SUPT3H: variants seen among roughly 807,000 people sequenced by gnomAD.
SUPT3H encodes SPT3 homolog, SAGA and STAGA complex component, also known as transcription initiation protein SPT3 homolog.
In SUPT3H, 44 loss-of-function variants were observed where a neutral mutation model predicts 44.3. The observed-to-expected ratio is 0.99, with a 90% confidence interval of 0.78 to 1.28. The LOEUF (loss-of-function observed/expected upper bound fraction) is 1.28. SUPT3H is among the 50% of genes most tolerant of loss of function. SUPT3H has a pLI of 0.00. For missense variants in SUPT3H, 380 were observed against 387.1 expected (o/e 0.98, Z 0.15); for synonymous variants, 124 against 125.6 (o/e 0.99, Z 0.09).
chr6:45,212,530 T>C (rs952123699), intron 2 of SUPT3H, among the ~76,000 whole-genome samples: 18 of 122,906 alleles, frequency 1.5e-4, no homozygotes, highest in Admixed American at 3.2e-4. Context: ...TGTGTGTGTG[T>C]GTGTGTGTGT....
chr6:44,812,097 T>C (rs186887635), intron 11 of SUPT3H, among the ~76,000 whole-genome samples: 112 of 152,368 alleles, frequency 7.4e-4, no homozygotes, highest in African/African-American at 2.6e-3. Flanking sequence ...TAGTTTTCTA[T>C]GATGCCGTAA....
At chr6:45,009,960 T>C (rs769075687) in intron 5 of SUPT3H, among the ~76,000 whole-genome samples, 1 of 142,302 alleles carries the variant, frequency 7.0e-6, no homozygotes, top group Non-Finnish European at 1.5e-5. Flanking sequence ...TAATACTGAA[T>C]GTTCCAATCC....
intron 2 of SUPT3H, among the ~76,000 whole-genome samples, chr6:45,160,820 C>T (rs1218665719): frequency 6.6e-6 from 1 of 152,096 alleles, no homozygotes; most frequent in African/African-American, 2.4e-5. Flanking sequence ...GAATCTCCCC[C>T]TATAAAATCC....
At chr6:45,114,937 A>T (rs937691483) in intron 2 of SUPT3H, among the ~76,000 whole-genome samples, 14 of 152,170 alleles carry the variant, frequency 9.2e-5, no homozygotes, top group Admixed American at 6.5e-5. Context: ...TAGGACTTTT[A>T]CCTCATCCAG....
intron 3 of SUPT3H, among the ~76,000 whole-genome samples, chr6:45,062,450 G>T (rs1047470074): frequency 6.6e-6 from 1 of 151,472 alleles, no homozygotes; most frequent in African/African-American, 2.4e-5. Context: ...CACTGTAGGG[G>T]TGAGGAGCCA....
In SUPT3H at chr6:45,261,062, T is replaced by C. The variant is rs60710939; in HGVS notation, c.101+104139A>G. Among the ~76,000 whole-genome samples, 803 of 152,152 alleles carry C rather than the reference T, an allele frequency of 5.3e-3. 5 individuals carry two copies. The highest frequency in any genetic ancestry group is 0.018 in the African/African-American group (749 of 41,516). On this transcript the variant is annotated intron_variant, in intron 2 of 10. Transcript: ENST00000371459. ...AGAAGTATATTTTAAAATAATTTTT[T>C]TAAAACCCTACCAATCAAAACCAAT...
chr6:45,096,889 T>C (rs72869118), intron 3 of SUPT3H, among the ~76,000 whole-genome samples: 33,199 of 152,006 alleles, frequency 0.22, 4,433 homozygotes, highest in Non-Finnish European at 0.31. Flanking sequence ...ATATTCAATC[T>C]TGATATATAT....
intron 2 of SUPT3H, among the ~76,000 whole-genome samples, chr6:45,284,678 G>A (rs1464332805): frequency 6.6e-6 from 1 of 152,168 alleles, no homozygotes; most frequent in Non-Finnish European, 1.5e-5. Flanking sequence ...AGGAAGAGCT[G>A]GTACCATTCC....
chr6:44,934,680 T>C (rs986499741), intron 9 of SUPT3H, among the ~76,000 whole-genome samples: 3 of 152,186 alleles, frequency 2.0e-5, no homozygotes, highest in South Asian at 2.1e-4. Context: ...TCACCCCTTC[T>C]GCCATGTGAG....
At chr6:44,947,790 C>T (rs978957837) in intron 9 of SUPT3H, among the ~76,000 whole-genome samples, 2 of 152,204 alleles carry the variant, frequency 1.3e-5, no homozygotes, top group Middle Eastern at 3.4e-3. Context: ...AACTAGATAT[C>T]CATAAGTAAA....
intron 3 of SUPT3H, among the ~76,000 whole-genome samples, chr6:45,083,204 ATTT>A (rs1554236613): frequency 8.0e-6 from 1 of 124,266 alleles, no homozygotes; most frequent in South Asian, 2.7e-4. Context: ...TATTATTATT[ATTT>A]TTCAGACGGA....
chr6:45,088,871 T>C (rs1454745484), intron 3 of SUPT3H, among the ~76,000 whole-genome samples: 1 of 152,088 alleles, frequency 6.6e-6, no homozygotes, highest in Non-Finnish European at 1.5e-5. Flanking sequence ...TGGAATTTAA[T>C]TTATACCCAT....
chr6:45,061,728 T>TTG (rs78203484), intron 3 of SUPT3H, among the ~76,000 whole-genome samples: 1 of 152,078 alleles, frequency 6.6e-6, no homozygotes, highest in Non-Finnish European at 1.5e-5. Flanking sequence ...CTAAAATCCA[T>TTG]TATGACTATA....
At chr6:45,042,692 T>C (rs1031132285) in intron 3 of SUPT3H, among the ~76,000 whole-genome samples, 2 of 152,160 alleles carry the variant, frequency 1.3e-5, no homozygotes, top group Non-Finnish European at 2.9e-5. Context: ...AGTGTGGCGA[T>C]TCCTCAGGGA....
At chr6:45,304,302 A>G (rs1175588208) in intron 2 of SUPT3H, among the ~76,000 whole-genome samples, 2 of 152,224 alleles carry the variant, frequency 1.3e-5, no homozygotes, top group Admixed American at 1.3e-4. Flanking sequence ...CTACCCATCC[A>G]TCCAAATTAT....
At chr6:44,913,657 T>C (rs1267559359) in intron 10 of SUPT3H, among the ~76,000 whole-genome samples, 2 of 152,216 alleles carry the variant, frequency 1.3e-5, no homozygotes, top group African/African-American at 2.4e-5. Flanking sequence ...TGTCTGCAAC[T>C]CTACAAAAGC....
chr6:45,031,671 C>G (rs1786960324), intron 3 of SUPT3H, among the ~76,000 whole-genome samples: 1 of 152,142 alleles, frequency 6.6e-6, no homozygotes, highest in Non-Finnish European at 1.5e-5. Context: ...TTTTCTGATT[C>G]TAGTGTTTAA....
rs1427748685 is a variant in SUPT3H at position 44,828,594 on chromosome 6, A to AAAGTT, written c.*1217_*1221dup. The AAAGTT allele has an allele frequency of 6.6e-6, 1 of 152,174 alleles. No homozygotes were observed. The highest frequency in any genetic ancestry group is 1.9e-4 in the East Asian group (1 of 5,198). 9.4% of individuals were successfully genotyped at this position (152,174 alleles called of 1,614,324 possible). On this transcript the variant is annotated 3_prime_UTR_variant, in exon 11 of 11. Coordinates refer to ENST00000371459, the MANE Select transcript of SUPT3H (RefSeq NM_003599.4). ...CATAACCTCTAAATGGCATGTTCAGAAAGTTTTATACTTCCAAATTTGGGT... is the reference window on the plus strand; with the variant it reads ...CATAACCTCTAAATGGCATGTTCAGAAAGTTAAGTTTTATACTTCCAAATTTGGGT...
At chr6:45,171,884 A>G (rs1279158909) in intron 2 of SUPT3H, among the ~76,000 whole-genome samples, 1 of 150,698 alleles carries the variant, frequency 6.6e-6, no homozygotes, top group African/African-American at 2.4e-5. Context: ...CGCCCAGCTA[A>G]TTTTTGTATT....
Sources: gnomAD v4.1 joint callset for allele counts (sites outside exome capture counted in the v4.1 genomes callset) on GRCh38, gnomAD v4.1.1 for gene constraint, MANE v1.5 for transcripts, NCBI Gene and HGNC (gene_info 2026-07-23, HGNC 2026-07-21) for gene names.